Variants in DMXL2 observed in about 807,000 individuals in gnomAD.
DMXL2 encodes the protein dmX-like protein 2.
Under a neutral mutation model 331.1 loss-of-function variants are expected in DMXL2, and 103 were observed. That is an observed-to-expected ratio of 0.31 (90% CI 0.27 to 0.37). DMXL2 has a LOEUF of 0.37. DMXL2 is among the 10% of genes least tolerant of loss of function. DMXL2 has a pLI of 1.00. For synonymous variants in DMXL2, 1,281 were observed against 1,252.1 expected, an observed-to-expected ratio of 1.02 and a Z score of -0.49; for missense variants, 3,171 against 3,642.9, an observed-to-expected ratio of 0.87 and a Z score of 3.33.
chr15:51,521,043 A>C (rs1386494268), intron 13 of DMXL2, among the ~76,000 whole-genome samples: 1 of 152,170 alleles, frequency 6.6e-6, no homozygotes, highest in Admixed American at 6.5e-5. Flanking sequence ...TTATAAAAAC[A>C]TTCACGTTTT....
chr15:51,606,606 C>G (rs961604510), intron 1 of DMXL2, among the ~76,000 whole-genome samples: 6 of 152,190 alleles, frequency 3.9e-5, no homozygotes, highest in Non-Finnish European at 7.3e-5. Context: ...AGACATGTCA[C>G]CTAATTAAAT....
At chr15:51,501,273 G>A (rs1165242344) in intron 17 of DMXL2, among the ~76,000 whole-genome samples, 2 of 152,054 alleles carry the variant, frequency 1.3e-5, no homozygotes, top group Non-Finnish European at 2.9e-5. Flanking sequence ...TAGCGGCCCC[G>A]AACCTCCAAT....
chr15:51,546,079 C>T (rs1386451663), intron 7 of DMXL2, among the ~76,000 whole-genome samples: 1 of 152,024 alleles, frequency 6.6e-6, no homozygotes, highest in Non-Finnish European at 1.5e-5. Flanking sequence ...TAGAGAATGA[C>T]CATAATAAAA....
chr15:51,464,880 C>G lies in DMXL2; in HGVS notation c.7607-4G>C. The G allele has an allele frequency of 6.2e-7, 1 of 1,606,398 alleles. No homozygotes were observed. The highest frequency in any genetic ancestry group is 8.5e-7 in the Non-Finnish European group (1 of 1,175,522). ...AATGGTGATGTTACAGGCAGCTCTA[C>G]AAGGTGACAGAATATGTTATTTATT... On this transcript the variant is annotated splice_region_variant and splice_polypyrimidine_tract_variant and intron_variant, in intron 31 of 43. Coordinates refer to ENST00000560891, the MANE Select transcript of DMXL2 (RefSeq NM_001378457.1).
At position 51,538,204 on chromosome 15, in the gene DMXL2, G is replaced by T. The variant is rs1231529914; in HGVS notation, c.1345+9C>A. The T allele has an allele frequency of 6.2e-7, 1 of 1,607,094 alleles. No homozygotes were observed. Among genetic ancestry groups the T allele is most frequent in the Non-Finnish European group, 8.5e-7 (1 of 1,175,826 alleles). On this transcript the variant is annotated intron_variant, in intron 10 of 43. Transcript: ENST00000560891. ...TGGAGTAAGTAAAATCTGAACACAG[G>T]ATACTAACCATGGTCTAATTTCATA...
chr15:51,480,187 T>C, intron 24 of DMXL2, 48 bp from the exon 25 acceptor site: 6 of 1,450,382 alleles, frequency 4.1e-6, no homozygotes, highest in South Asian at 3.0e-5. Flanking sequence ...TAAAAAATTT[T>C]ATCAGTTCTC....
At chr15:51,486,963 A>C (rs1052469067) in intron 22 of DMXL2, among the ~76,000 whole-genome samples, 6 of 152,162 alleles carry the variant, frequency 3.9e-5, no homozygotes, top group African/African-American at 7.2e-5. Context: ...GTAAAAAAAA[A>C]CCCAACTAAT....
intron 42 of DMXL2, among the ~76,000 whole-genome samples, chr15:51,451,426 C>T (rs1305737589): frequency 6.6e-6 from 1 of 152,190 alleles, no homozygotes; most frequent in Non-Finnish European, 1.5e-5. Context: ...AATATAAAGA[C>T]TATTTTGGAT....
At chr15:51,451,605 C>T (rs763918244) in intron 42 of DMXL2, 40 bp downstream of exon 42, 75 of 1,507,672 alleles carry the variant, frequency 5.0e-5, no homozygotes, top group Non-Finnish European at 6.4e-5. Flanking sequence ...TGTATTATTC[C>T]TTCATGGTAT....
intron 18 of DMXL2, among the ~76,000 whole-genome samples, chr15:51,497,872 T>C (rs1003261364): frequency 3.9e-5 from 6 of 152,140 alleles, no homozygotes; most frequent in African/African-American, 1.2e-4. Context: ...CATGATTCCA[T>C]AGTAACATTA....
intron 16 of DMXL2, 27 bp downstream of exon 16, chr15:51,507,107 T>C (rs746852625): frequency 1.3e-6 from 2 of 1,523,662 alleles, no homozygotes; most frequent in Non-Finnish European, 8.9e-7. Flanking sequence ...TTATGTATCA[T>C]CTCTGTATAA....
intron 2 of DMXL2, among the ~76,000 whole-genome samples, chr15:51,570,987 T>C (rs1354367231): frequency 1.3e-5 from 2 of 152,080 alleles, no homozygotes; most frequent in Non-Finnish European, 2.9e-5. Context: ...AGACACAGAC[T>C]GGCAAACTGG....
rs1160333795 is a variant in DMXL2, at chr15:51,459,618, C to T, written c.7969G>A (p.Ala2657Thr). 7.8e-7 allele frequency: 1 copy of T among 1,289,684 alleles called. No individual in the cohort carries two copies. The highest frequency in any genetic ancestry group is 1.5e-5 in the African/African-American group (1 of 65,856). 79.9% of individuals were successfully genotyped at this position (1,289,684 alleles called of 1,614,324 possible). ...ACTACCTTGATGTGGCAATCTTCTG[C>T]TATGCAGTTTTGGTTGACCTGCTCC... The part of the protein sequence containing the change: ...HVEQVNQNCI[A>T]EDCHIKVEAD... The change falls in exon 34 of 44, where the codon GCA becomes ACA. Residue 2657 changes from alanine (A) to threonine (T), a missense_variant. By Grantham distance (58) the Ala-to-Thr change is moderately conservative. Coordinates refer to ENST00000560891, the MANE Select transcript of DMXL2 (RefSeq NM_001378457.1).
chr15:51,555,019 G>A (rs1029939188), intron 6 of DMXL2, among the ~76,000 whole-genome samples: 1 of 152,108 alleles, frequency 6.6e-6, no homozygotes, highest in African/African-American at 2.4e-5. Flanking sequence ...TTAGCCAGGT[G>A]TGGTGGCACA....
chr15:51,538,099 C>G (rs1432841623), intron 10 of DMXL2, 114 bp downstream of exon 10: 2 of 1,342,444 alleles, frequency 1.5e-6, no homozygotes, highest in African/African-American at 2.9e-5. Flanking sequence ...ACTTGTGTAA[C>G]AAATAGAAAA....
chr15:51,580,088 T>G (rs1211758004), intron 1 of DMXL2, among the ~76,000 whole-genome samples: 1 of 152,182 alleles, frequency 6.6e-6, no homozygotes, highest in Non-Finnish European at 1.5e-5. Flanking sequence ...GTAATCCCAA[T>G]TAATTTACCA....
At chr15:51,473,217 C>A (rs191876288) in intron 28 of DMXL2, among the ~76,000 whole-genome samples, 1 of 152,192 alleles carries the variant, frequency 6.6e-6, no homozygotes, top group Non-Finnish European at 1.5e-5. Context: ...ATTCCCTCAT[C>A]ACCGTCTTTC....
intron 40 of DMXL2, among the ~76,000 whole-genome samples, 197 bp downstream of exon 40, chr15:51,454,954 A>G (rs2039495712): frequency 6.6e-6 from 1 of 152,200 alleles, no homozygotes; most frequent in African/African-American, 2.4e-5. Flanking sequence ...CTTCAAGGTG[A>G]AAAGCAAGGC....
rs1294694638 is a variant in DMXL2, at chr15:51,459,640, C to T, written c.7947G>A (p.Glu2649=). The T allele has an allele frequency of 8.5e-6, 11 of 1,289,840 alleles. No individual in the cohort carries two copies. The highest frequency in any genetic ancestry group is 3.0e-5 in the African/African-American group (2 of 65,996). The allele number at this position is 1,289,840 out of a possible 1,614,324, so 79.9% of individuals were successfully genotyped here. A position where few individuals can be genotyped will look rare whatever the true frequency, so the allele number is the denominator to read the frequency against. Residue 2649 remains glutamate (E), a synonymous_variant, in exon 34 of 44, where the codon GAG becomes GAA. Transcript: ENST00000560891. ...CTGCTATGCAGTTTTGGTTGACCTGCTCCACATGTTCTTCTATAGACTAAA... is the reference window on the plus strand; with the variant it reads ...CTGCTATGCAGTTTTGGTTGACCTGTTCCACATGTTCTTCTATAGACTAAA... The part of the protein sequence containing the change: ...KQSESIEEHV[E]QVNQNCIAED...
Sources: gnomAD v4.1 joint callset for allele counts (sites outside exome capture counted in the v4.1 genomes callset) on GRCh38, gnomAD v4.1.1 for gene constraint, MANE v1.5 for transcripts, NCBI Gene and HGNC (gene_info 2026-07-23, HGNC 2026-07-21) for gene names.